HPF1: variants seen among roughly 807,000 people sequenced by gnomAD.
The protein encoded by HPF1 is UPF0609 protein C4orf27.
A neutral mutation model predicts 38.8 loss-of-function variants in HPF1; 35 were observed. The observed-to-expected ratio is 0.90, with a 90% CI of 0.69 to 1.19. The LOEUF is 1.19. Among genes scored for constraint, HPF1 ranks in the 50% most tolerant of loss-of-function variants. The pLI, the probability that HPF1 is intolerant of heterozygous loss-of-function variation, is 0.00. For synonymous variants in HPF1, 115 were observed against 139.2 expected (o/e 0.83, Z 1.22); for missense variants, 367 against 405.8 (o/e 0.90, Z 0.82).
chr4:169,740,000 T>C (rs1441592143), intron 5 of HPF1, among the ~76,000 whole-genome samples: 1 of 152,204 alleles, frequency 6.6e-6, no homozygotes, highest in Non-Finnish European at 1.5e-5. Context: ...TAAGAAGTCA[T>C]CAGAATTGTA....
In HPF1 at chr4:169,741,954, T is replaced by C. The variant is rs1388103340; in HGVS notation, c.648+3A>G. On this transcript the variant is annotated splice_donor_region_variant and intron_variant, in intron 5 of 7. Transcript: ENST00000393381. ...AACAGAGACCAACAGGTTGAAATCA[T>C]ACTTTCTTATCTCTCTGTTTCATCT... 2.5e-6 allele frequency: 4 copies of C among 1,610,292 alleles called. No homozygotes were observed. Among genetic ancestry groups the C allele is most frequent in the Middle Eastern group, 1.7e-4 (1 of 5,810 alleles).
chr4:169,730,267 C>A lies in HPF1; in HGVS notation c.910-558G>T, dbSNP rs114022976. Among the ~76,000 whole-genome samples, 471 of 152,326 alleles carry A rather than the reference C, an allele frequency of 3.1e-3. 3 individuals carry two copies. Among genetic ancestry groups the A allele is most frequent in the African/African-American group, 0.011 (446 of 41,578 alleles). On this transcript the variant is annotated intron_variant, in intron 7 of 7. Transcript: ENST00000393381. ...ATCATAATAAACATTTAGCCCTTAA[C>A]ATGCGGTAAGCACTGTGCTAAACCT...
Position 169,742,067 on chromosome 4 carries a change from T to C in HPF1, c.538A>G (p.Lys180Glu). 1 of 1,611,290 alleles carries C rather than the reference T, an allele frequency of 6.2e-7. No homozygotes were observed. The highest frequency in any genetic ancestry group is 1.1e-5 in the South Asian group (1 of 91,020). Residue 180 changes from lysine to glutamate, a missense_variant, in exon 5 of 8, where the codon AAG becomes GAG. Lys to Glu is a moderately conservative substitution (Grantham distance 56). Coordinates refer to ENST00000393381, the MANE Select transcript of HPF1 (RefSeq NM_017867.3). ...TKKLREITDKKKINLLKNIDE... is the reference protein window; with the variant it reads ...TKKLREITDKEKINLLKNIDE... ...ATGTTTTTCAAGAGATTGATTTTCT[T>C]TTTATCCGTTATTTCTCTAAGTTTT...
intron 5 of HPF1, among the ~76,000 whole-genome samples, chr4:169,741,333 A>AT (rs143679933): frequency 0.019 from 2,862 of 150,188 alleles, 92 homozygotes; most frequent in African/African-American, 0.066. Flanking sequence ...CCAGTGACAA[A>AT]TTTTTTTTTT....
At chr4:169,743,415 T>A (rs1389735490) in intron 4 of HPF1, among the ~76,000 whole-genome samples, 49 of 141,310 alleles carry the variant, frequency 3.5e-4, no homozygotes, top group African/African-American at 1.4e-3. Context: ...TGGCCTTTTT[T>A]TTTTTTTTTT....
intron 6 of HPF1, among the ~76,000 whole-genome samples, chr4:169,736,325 G>T (rs1262464315): frequency 7.1e-6 from 1 of 140,982 alleles, no homozygotes; most frequent in African/African-American, 2.6e-5. Flanking sequence ...GCACCACTGC[G>T]CTCCGTCCTG....
At chr4:169,742,763 G>T (rs561687648) in intron 4 of HPF1, among the ~76,000 whole-genome samples, 4 of 152,176 alleles carry the variant, frequency 2.6e-5, no homozygotes, top group African/African-American at 9.6e-5. Context: ...CTGCACTCCA[G>T]CCTGGGCCAC....
At chr4:169,735,932 T>TAAAAA (rs36044065) in intron 6 of HPF1, among the ~76,000 whole-genome samples, 1 of 105,670 alleles carries the variant, frequency 9.5e-6, no homozygotes, top group African/African-American at 3.1e-5. Flanking sequence ...GAGAAGGAGC[T>TAAAAA]AAAAAAAAAA....
At chr4:169,751,222 G>A (rs1244990216) in intron 2 of HPF1, among the ~76,000 whole-genome samples, 1 of 152,008 alleles carries the variant, frequency 6.6e-6, no homozygotes, top group Non-Finnish European at 1.5e-5. Flanking sequence ...GGCCAACATG[G>A]CAAAACCCCG....
intron 5 of HPF1, among the ~76,000 whole-genome samples, chr4:169,739,099 T>C (rs994359147): frequency 6.6e-6 from 1 of 152,090 alleles, no homozygotes; most frequent in Non-Finnish European, 1.5e-5. Flanking sequence ...GTAACAAACC[T>C]GCACGTTGTG....
At chr4:169,735,367 G>T (rs1027336315) in intron 6 of HPF1, among the ~76,000 whole-genome samples, 7 of 152,122 alleles carry the variant, frequency 4.6e-5, no homozygotes, top group Non-Finnish European at 8.8e-5. Context: ...GCTTCAAAGG[G>T]TTAAGAACAA....
At chr4:169,733,188 C>T (rs1451376481) in intron 6 of HPF1, among the ~76,000 whole-genome samples, 1 of 152,000 alleles carries the variant, frequency 6.6e-6, no homozygotes, top group African/African-American at 2.4e-5. Context: ...GGCAAGCATG[C>T]GTTTGAGGTA....
chr4:169,752,045 A>G (rs1211090621), intron 2 of HPF1, among the ~76,000 whole-genome samples: 2 of 152,156 alleles, frequency 1.3e-5, no homozygotes, highest in East Asian at 3.8e-4. Flanking sequence ...AATAGGGCAT[A>G]ATACTGCATT....
chr4:169,733,915 T>G (rs1733862035), intron 6 of HPF1, among the ~76,000 whole-genome samples: 2 of 147,944 alleles, frequency 1.4e-5, no homozygotes, highest in Admixed American at 1.4e-4. Flanking sequence ...AAAAAAAAAT[T>G]ACCAAGGATG....
intron 4 of HPF1, among the ~76,000 whole-genome samples, chr4:169,746,343 T>C (rs899403653): frequency 9.9e-5 from 15 of 152,194 alleles, no homozygotes; most frequent in Non-Finnish European, 2.1e-4. Flanking sequence ...AAATGTGTAC[T>C]TCACATAGTA....
At chr4:169,743,847 G>A (rs28715013) in intron 4 of HPF1, among the ~76,000 whole-genome samples, 8,638 of 151,742 alleles carry the variant, frequency 0.057, 829 homozygotes, top group African/African-American at 0.2. Flanking sequence ...ATTTATAGTG[G>A]GTGCTAGTCT....
intron 7 of HPF1, 72 bp downstream of exon 7, chr4:169,731,632 G>T: frequency 1.7e-6 from 2 of 1,160,752 alleles, no homozygotes; most frequent in Non-Finnish European, 2.4e-6. Flanking sequence ...ACGTATTCAT[G>T]TGTGGATGTA....
At chr4:169,740,707 AAAAC>A (rs924500904) in intron 5 of HPF1, among the ~76,000 whole-genome samples, 1 of 152,226 alleles carries the variant, frequency 6.6e-6, no homozygotes, top group Non-Finnish European at 1.5e-5. Context: ...TTTTGTATAA[AAAAC>A]AAATACTAAA....
Position 169,731,884 on chromosome 4 carries a change from A to G in HPF1, c.737-8T>C. On this transcript the variant is annotated splice_polypyrimidine_tract_variant and splice_region_variant and intron_variant, in intron 6 of 7. Coordinates refer to ENST00000393381, the MANE Select transcript of HPF1 (RefSeq NM_017867.3). ...AAATTCTCTTGAGGTCAGCTGAAAG[A>G]AATCAATAATATAAAAGATTATCTA... is the stretch of plus-strand genomic sequence containing the variant. The G allele has an allele frequency of 6.2e-7, 1 of 1,602,804 alleles. No individual in the cohort carries two copies. Among genetic ancestry groups the G allele is most frequent in the Admixed American group, 1.7e-5 (1 of 59,872 alleles).
Sources: allele counts gnomAD v4.1 joint callset (sites outside exome capture counted in the v4.1 genomes callset), GRCh38; gene constraint gnomAD v4.1.1; transcripts MANE v1.5; gene names NCBI Gene and HGNC (gene_info 2026-07-23, HGNC 2026-07-21).